Variants in TRPC5 observed in about 807,000 individuals in gnomAD.
The protein encoded by TRPC5 is short transient receptor potential channel 5.
TRPC5 carries 9 observed loss-of-function variants against 56.5 expected under a neutral mutation model. The observed-to-expected ratio is 0.16, with a 90% CI of 0.10 to 0.28. The LOEUF (loss-of-function observed/expected upper bound fraction) is 0.28. TRPC5 is among the 10% of genes least tolerant of loss of function. The probability of loss-of-function intolerance (pLI) is 1.00; values close to 1 mark genes in which losing one functional copy is unlikely to be tolerated. For missense variants in TRPC5, 469 were observed against 748.9 expected, an observed-to-expected ratio of 0.63 and a Z score of 4.36; for synonymous variants, 282 against 278.5, an observed-to-expected ratio of 1.01 and a Z score of -0.13.
intron 7 of TRPC5, among the ~76,000 whole-genome samples, chrX:111,813,864 T>G (rs1188500685): frequency 8.9e-6 from 1 of 112,313 alleles, no homozygotes; most frequent in Non-Finnish European, 1.9e-5. Flanking sequence ...CAAATTGCTG[T>G]GACATATACA....
intron 1 of TRPC5, among the ~76,000 whole-genome samples, chrX:112,070,825 A>T: frequency 9.1e-6 from 1 of 110,030 alleles, no homozygotes; most frequent in Middle Eastern, 4.7e-3. Flanking sequence ...TTCTATTTGT[A>T]TAGACATCAT....
chrX:111,937,401 A>T (rs1182897495), intron 2 of TRPC5, among the ~76,000 whole-genome samples: 64 of 95,522 alleles, frequency 6.7e-4, no homozygotes, highest in African/African-American at 2.2e-3. Flanking sequence ...TTGGTGTTTT[A>T]GACATGAAGT....
chrX:111,976,809 T>C (rs1014749360), intron 1 of TRPC5, among the ~76,000 whole-genome samples: 3 of 110,561 alleles, frequency 2.7e-5, no homozygotes, highest in Admixed American at 1.9e-4. Flanking sequence ...TACATCATCA[T>C]ACAAAAATCA....
chrX:112,007,014 G>A (rs1364877354), intron 1 of TRPC5, among the ~76,000 whole-genome samples: 1 of 111,585 alleles, frequency 9.0e-6, no homozygotes, highest in African/African-American at 3.3e-5. Flanking sequence ...CTGAAGATAG[G>A]AAGGCAGTCA....
chrX:112,044,492 C>T (rs945369609), intron 1 of TRPC5, among the ~76,000 whole-genome samples: 1 of 112,047 alleles, frequency 8.9e-6, no homozygotes, highest in Admixed American at 9.5e-5. Flanking sequence ...CCCTTCCATA[C>T]AGAGATATTG....
At chrX:111,799,238 A>T (rs1374239664) in intron 7 of TRPC5, among the ~76,000 whole-genome samples, 1 of 111,559 alleles carries the variant, frequency 9.0e-6, no homozygotes, top group East Asian at 2.8e-4. Context: ...AAGGAAAAAA[A>T]TAAAGCCCAG....
At position 111,963,014 on chromosome X, in the gene TRPC5, A is replaced by C. The variant is rs376725404; in HGVS notation, c.-21-10573T>G. Among the ~76,000 whole-genome samples the C allele has an allele frequency of 1.5e-4, 17 of 112,138 alleles. No homozygotes were observed. The East Asian group carries it at 3.9e-3, about 26-fold the overall frequency. Reference sequence around the variant, plus strand: ...GTGCAGCGTACCATGTGCGAGCCGAAGCAGGGCGAGGCATTGCCTCACTCG... The same window carrying C: ...GTGCAGCGTACCATGTGCGAGCCGACGCAGGGCGAGGCATTGCCTCACTCG... On this transcript the variant is annotated intron_variant, in intron 1 of 10. Coordinates refer to ENST00000262839, the MANE Select transcript of TRPC5 (RefSeq NM_012471.3).
At chrX:112,038,354 A>G (rs753772124) in intron 1 of TRPC5, among the ~76,000 whole-genome samples, 1 of 112,317 alleles carries the variant, frequency 8.9e-6, no homozygotes, top group African/African-American at 3.2e-5. Flanking sequence ...TGATGACTCA[A>G]GGTCCACACT....
chrX:111,975,326 GAA>G (rs780077724), intron 1 of TRPC5, among the ~76,000 whole-genome samples: 10 of 90,407 alleles, frequency 1.1e-4, no homozygotes, highest in Non-Finnish European at 1.6e-4. Flanking sequence ...TCACTAAATA[GAA>G]AAAAAAAAAA....
intron 2 of TRPC5, among the ~76,000 whole-genome samples, chrX:111,924,458 G>A (rs5985658): frequency 0.025 from 2,763 of 108,964 alleles, 100 homozygotes; most frequent in African/African-American, 0.088. Context: ...TCACGGTAAG[G>A]AGAGGCCTTT....
intron 1 of TRPC5, among the ~76,000 whole-genome samples, chrX:112,030,810 T>C (rs1229295855): frequency 9.0e-6 from 1 of 111,513 alleles, no homozygotes; most frequent in Non-Finnish European, 1.9e-5. Flanking sequence ...AGAGGTGGAG[T>C]GGGATGGAGA....
chrX:112,043,869 G>A (rs1382802730), intron 1 of TRPC5, among the ~76,000 whole-genome samples: 1 of 110,941 alleles, frequency 9.0e-6, no homozygotes, highest in Non-Finnish European at 1.9e-5. Flanking sequence ...AAAATCAGGA[G>A]GAAGTTAGAT....
chrX:111,853,810 G>T lies in TRPC5; in HGVS notation c.1197C>A (p.Pro399=). The stretch of plus-strand genomic sequence containing the variant: ...ATATCATCCATTCCACGACAGTTGG[G>T]GGAGGCCCCTGTACATGAAGGTCTG... The part of the protein sequence containing the change: ...VRTDLHVQGP[P]PTVVEWMILP... The change falls in exon 4 of 11, where the codon CCC becomes CCA. Residue 399 remains proline, a synonymous_variant. Coordinates refer to ENST00000262839, the MANE Select transcript of TRPC5 (RefSeq NM_012471.3). 8.3e-7 allele frequency: 1 copy of T among 1,211,923 alleles called. No individual in the cohort carries two copies. The highest frequency in any genetic ancestry group is 1.1e-6 in the Non-Finnish European group (1 of 895,546).
rs752962337 is a variant in TRPC5 at position 111,945,501 on chromosome X, C to T, written c.378+6542G>A. Among the ~76,000 whole-genome samples the T allele has an allele frequency of 1.2e-4, 13 of 109,568 alleles. No individual in the cohort carries two copies. In the South Asian group the frequency reaches 1.2e-3, roughly 10 times the overall value. On this transcript the variant is annotated intron_variant, in intron 2 of 10. Transcript: ENST00000262839. ...CACACACATGTGTGCGCACACACAC[C>T]GACATACATAGACACACACACCCCT...
rs749102820 is a variant in TRPC5, at chrX:111,847,345, G to A, written c.1469C>T (p.Ser490Leu). The A allele has an allele frequency of 1.7e-6, 2 of 1,211,350 alleles. No individual in the cohort carries two copies. Among genetic ancestry groups the A allele is most frequent in the Non-Finnish European group, 2.2e-6 (2 of 895,443 alleles). ...ALFAISNILSSLRLISLFTAN... is the reference protein window; with the variant it reads ...ALFAISNILSLLRLISLFTAN... The stretch of plus-strand genomic sequence containing the variant: ...TGTGAACAGGGATATGAGACGCAAC[G>A]AACTTAAAATGTTGGATATTGCGAA... Residue 490 changes from serine to leucine, a missense_variant, in exon 6 of 11, where the codon TCG becomes TTG. Ser to Leu is a moderately radical substitution (Grantham distance 145). Around this residue, in one of 3 missense-constraint regions of TRPC5, gnomAD observed 157 missense variants for 360.0 expected, o/e 0.44. Transcript: ENST00000262839.
At chrX:111,948,493 A>G (rs959265472) in intron 2 of TRPC5, among the ~76,000 whole-genome samples, 4 of 111,289 alleles carry the variant, frequency 3.6e-5, no homozygotes, top group Non-Finnish European at 5.7e-5. Context: ...GCACTTTGGG[A>G]GGCTGAGGTG....
In TRPC5 at chrX:111,959,911, C is replaced by T. The variant is rs745832278; in HGVS notation, c.-21-7470G>A. On this transcript the variant is annotated intron_variant, in intron 1 of 10. Transcript: ENST00000262839. ...GAGCTGTTAGGAATTGATATGATCACGAGGGAGAATGCAAAGAGATCAGGG... is the reference window on the plus strand; with the variant it reads ...GAGCTGTTAGGAATTGATATGATCATGAGGGAGAATGCAAAGAGATCAGGG... 9.0e-5 allele frequency among the ~76,000 whole-genome samples: 10 copies of T among 111,092 alleles called. No homozygotes were observed. The South Asian group carries it at 1.2e-3, about 13-fold the overall frequency.
At chrX:111,793,072 A>G (rs1946034938) in intron 7 of TRPC5, among the ~76,000 whole-genome samples, 1 of 111,342 alleles carries the variant, frequency 9.0e-6, no homozygotes, top group African/African-American at 3.3e-5. Flanking sequence ...ATCAATGGTA[A>G]GCAGAATCTA....
intron 1 of TRPC5, among the ~76,000 whole-genome samples, chrX:111,967,700 C>A (rs1214465388): frequency 9.0e-6 from 1 of 111,192 alleles, no homozygotes; most frequent in East Asian, 2.8e-4. Context: ...TTTGACAAAC[C>A]TGAGAAAAAC....
Sources: gnomAD v4.1 joint callset for allele counts (sites outside exome capture counted in the v4.1 genomes callset) on GRCh38, gnomAD v4.1.1 for gene constraint, gnomAD v4.1.1 regional missense constraint, MANE v1.5 for transcripts, NCBI Gene and HGNC (gene_info 2026-07-23, HGNC 2026-07-21) for gene names.